The following PLXNC1 variants were observed in gnomAD, a reference collection of about 807,000 sequenced individuals.
PLXNC1 encodes plexin-C1.
PLXNC1 carries 75 observed loss-of-function variants against 178.2 expected under a neutral mutation model. The observed-to-expected ratio is 0.42, with a 90% CI of 0.35 to 0.51. The LOEUF is 0.51. PLXNC1 is among the 20% of genes least tolerant of loss of function. The pLI, the probability that PLXNC1 is intolerant of heterozygous loss-of-function variation, is 0.02. For synonymous variants in PLXNC1, 790 were observed against 779.9 expected, an observed-to-expected ratio of 1.01 and a Z score of -0.22; for missense variants, 1,503 against 1,984.4, an observed-to-expected ratio of 0.76 and a Z score of 4.61.
intron 1 of PLXNC1, among the ~76,000 whole-genome samples, chr12:94,155,413 G>A (rs1378499465): frequency 3.9e-5 from 6 of 152,188 alleles, no homozygotes; most frequent in Admixed American, 1.3e-4. Context: ...AGCTCTCAAC[G>A]TGATTTGAAG....
intron 4 of PLXNC1, among the ~76,000 whole-genome samples, chr12:94,188,708 T>A (rs765352640): frequency 2.6e-4 from 40 of 152,230 alleles, no homozygotes; most frequent in Admixed American, 3.9e-4. Context: ...AAATGGATGA[T>A]ACAGGAGAGA....
intron 23 of PLXNC1, among the ~76,000 whole-genome samples, chr12:94,292,247 A>T (rs1967412441): frequency 6.6e-6 from 1 of 152,222 alleles, no homozygotes; most frequent in Non-Finnish European, 1.5e-5. Context: ...CAAAATTCAT[A>T]AATGGTGATG....
At chr12:94,292,484 A>T (rs1967436735) in intron 23 of PLXNC1, among the ~76,000 whole-genome samples, 1 of 152,244 alleles carries the variant, frequency 6.6e-6, no homozygotes, top group African/African-American at 2.4e-5. Context: ...ATTAAAAAGT[A>T]TATGCAAATT....
chr12:94,241,126 A>G (rs577113094), intron 11 of PLXNC1, among the ~76,000 whole-genome samples: 1 of 152,352 alleles, frequency 6.6e-6, no homozygotes, highest in Admixed American at 6.5e-5. Context: ...AAACCCCAAA[A>G]TAAACTCTCC....
At chr12:94,266,208 C>T (rs997392126) in intron 21 of PLXNC1, among the ~76,000 whole-genome samples, 2 of 152,068 alleles carry the variant, frequency 1.3e-5, no homozygotes, top group African/African-American at 4.8e-5. Context: ...TGCCGTGGAG[C>T]GTGTTATGGT....
rs1435995124 is a variant in PLXNC1, at chr12:94,212,010, C to T, written c.1554+2306C>T. Among the ~76,000 whole-genome samples the T allele has an allele frequency of 3.3e-5, 5 of 152,196 alleles. No homozygotes were observed. In the East Asian group the frequency reaches 5.8e-4, roughly 18 times the overall value. ...GAAAAGACGGCCGGGCGCGGTGGCT[C>T]ACGCCTGTAATCCCAGCACGTTGGG... On this transcript the variant is annotated intron_variant, in intron 5 of 30. Transcript: ENST00000258526.
intron 28 of PLXNC1, 115 bp downstream of exon 28, chr12:94,301,172 GAT>G (rs1276853880): frequency 1.5e-6 from 1 of 687,400 alleles, no homozygotes; most frequent in Non-Finnish European, 2.3e-6. Flanking sequence ...GCTAAAAAGA[GAT>G]AGCAAGGGCC....
At chr12:94,270,985 A>G (rs1965535944) in intron 21 of PLXNC1, among the ~76,000 whole-genome samples, 1 of 152,108 alleles carries the variant, frequency 6.6e-6, no homozygotes, top group South Asian at 2.1e-4. Context: ...TCTGGCTTGG[A>G]AAGAAGCTTA....
chr12:94,273,281 G>C (rs1271723299), intron 21 of PLXNC1, among the ~76,000 whole-genome samples: 1 of 152,228 alleles, frequency 6.6e-6, no homozygotes, highest in Middle Eastern at 3.4e-3. Flanking sequence ...CAGGTGGCAG[G>C]AGGTGGTTTT....
intron 9 of PLXNC1, among the ~76,000 whole-genome samples, chr12:94,233,765 T>G (rs1005064112): frequency 1.3e-5 from 2 of 152,196 alleles, no homozygotes; most frequent in African/African-American, 4.8e-5. Flanking sequence ...TGAGTGGACC[T>G]GTATTTTGCT....
chr12:94,272,837 T>C (rs970964515), intron 21 of PLXNC1, among the ~76,000 whole-genome samples: 1 of 152,198 alleles, frequency 6.6e-6, no homozygotes, highest in Non-Finnish European at 1.5e-5. Context: ...GTGGGTTCTG[T>C]GGGGTTCAAT....
At chr12:94,198,893 C>A (rs909280661) in intron 4 of PLXNC1, among the ~76,000 whole-genome samples, 1 of 152,172 alleles carries the variant, frequency 6.6e-6, no homozygotes. Context: ...TCTACAAAGA[C>A]CCTATTTCTA....
At chr12:94,224,665 A>G (rs965708456) in intron 7 of PLXNC1, among the ~76,000 whole-genome samples, 3 of 152,160 alleles carry the variant, frequency 2.0e-5, no homozygotes, top group African/African-American at 7.2e-5. Context: ...GCACTTTAGG[A>G]GGCTGAGGTG....
At chr12:94,155,667 A>G (rs531971571) in intron 1 of PLXNC1, among the ~76,000 whole-genome samples, 2 of 152,092 alleles carry the variant, frequency 1.3e-5, no homozygotes, top group African/African-American at 4.8e-5. Context: ...AGTCTCAAAA[A>G]CCTGTAAGCC....
Position 94,303,737 on chromosome 12 carries a change from T to TC in PLXNC1, c.4387-19_4387-18insC, listed in dbSNP as rs749779524. The TC allele has an allele frequency of 1.5e-6, 2 of 1,348,442 alleles. No individual in the cohort carries two copies. The highest frequency in any genetic ancestry group is 6.0e-5 in the Admixed American group (2 of 33,530). The allele number at this position is 1,348,442 out of a possible 1,614,324, so 83.5% of individuals were successfully genotyped here. On this transcript the variant is annotated intron_variant, in intron 28 of 30. Coordinates refer to ENST00000258526, the MANE Select transcript of PLXNC1 (RefSeq NM_005761.3). ...TACTCTTTTGGTGATGGTTGCTTTT[T>TC]TTTTTTTTTTTTCCCCAGGAAGCAC... is the stretch of plus-strand genomic sequence containing the variant.
At chr12:94,163,846 T>G (rs998015786) in intron 1 of PLXNC1, among the ~76,000 whole-genome samples, 5 of 152,146 alleles carry the variant, frequency 3.3e-5, no homozygotes, top group Non-Finnish European at 7.3e-5. Flanking sequence ...TACACTAGAA[T>G]GGAGAAAAGC....
At chr12:94,255,738 A>G (rs1964819956) in intron 17 of PLXNC1, among the ~76,000 whole-genome samples, 1 of 152,236 alleles carries the variant, frequency 6.6e-6, no homozygotes, top group South Asian at 2.1e-4. Context: ...ACTACTGGTC[A>G]AAAGGGAGGA....
intron 4 of PLXNC1, among the ~76,000 whole-genome samples, chr12:94,194,749 G>GTC (rs77522151): frequency 0.085 from 12,974 of 152,128 alleles, 692 homozygotes; most frequent in East Asian, 0.24. Flanking sequence ...ACGAGACCTT[G>GTC]TCTCAATAAT....
chr12:94,231,755 G>A (rs1011155957), intron 9 of PLXNC1, among the ~76,000 whole-genome samples: 2 of 152,108 alleles, frequency 1.3e-5, no homozygotes, highest in African/African-American at 4.8e-5. Context: ...GTGTCTGACC[G>A]TCTGTCTGTT....
Sources: allele counts gnomAD v4.1 joint callset (sites outside exome capture counted in the v4.1 genomes callset), GRCh38; gene constraint gnomAD v4.1.1; transcripts MANE v1.5; gene names NCBI Gene and HGNC (gene_info 2026-07-23, HGNC 2026-07-21).